The following IER3IP1 variants were observed in gnomAD, a reference collection of about 807,000 sequenced individuals.
IER3IP1 encodes immediate early response 3 interacting protein 1, also known as immediate early response 3-interacting protein 1.
Under a neutral mutation model 12.2 loss-of-function variants are expected in IER3IP1, and 16 were observed. The observed-to-expected ratio is 1.31, with a 90% confidence interval of 0.89 to 1.99. The LOEUF is 1.99. Ranked by LOEUF, IER3IP1 falls within the 30% of genes most tolerant of loss-of-function variation. The pLI, the probability that IER3IP1 is intolerant of heterozygous loss-of-function variation, is 0.00. For missense variants in IER3IP1, 95 were observed against 95.8 expected (o/e 0.99, Z 0.03); for synonymous variants, 42 against 40.0 (o/e 1.05, Z -0.19).
intron 1 of IER3IP1, among the ~76,000 whole-genome samples, chr18:47,165,544 C>T (rs1367998432): frequency 7.4e-6 from 1 of 134,254 alleles, no homozygotes; most frequent in Non-Finnish European, 1.6e-5. Flanking sequence ...CAGAACAAGA[C>T]TCTGTCTCAA....
chr18:47,160,289 C>T (rs1284802841), intron 1 of IER3IP1, among the ~76,000 whole-genome samples: 1 of 152,134 alleles, frequency 6.6e-6, no homozygotes, highest in Non-Finnish European at 1.5e-5. Flanking sequence ...ATAGAGACCA[C>T]AAATTTGGTG....
At chr18:47,167,878 C>A (rs1171686580) in intron 1 of IER3IP1, among the ~76,000 whole-genome samples, 1 of 151,978 alleles carries the variant, frequency 6.6e-6, no homozygotes, top group Non-Finnish European at 1.5e-5. Context: ...AATCCCAGCA[C>A]TTTAGGAAGC....
rs915151422 is a variant in IER3IP1, at chr18:47,155,471, T to G, written c.*706A>C. The G allele has an allele frequency of 1.3e-5, 2 of 152,204 alleles. No homozygotes were observed. The highest frequency in any genetic ancestry group is 2.4e-5 in the African/African-American group (1 of 41,438). The allele number at this position is 152,204 out of a possible 1,614,324, so 9.4% of individuals were successfully genotyped here. A position where few individuals can be genotyped will look rare whatever the true frequency, so the allele number is the denominator to read the frequency against. ...CATCATTGTAAAAAGGGCAGACTTA[T>G]AGATTTTTCTGACAATGAAAATCTG... On this transcript the variant is annotated 3_prime_UTR_variant, in exon 3 of 3. Coordinates refer to ENST00000256433, the MANE Select transcript of IER3IP1 (RefSeq NM_016097.5).
At chr18:47,175,074 A>T (rs1280838044) in intron 1 of IER3IP1, among the ~76,000 whole-genome samples, 1 of 152,236 alleles carries the variant, frequency 6.6e-6, no homozygotes, top group Non-Finnish European at 1.5e-5. Context: ...AACTTCAGTT[A>T]CTATAAATGG....
chr18:47,156,560 C>A (rs530297193), intron 2 of IER3IP1, among the ~76,000 whole-genome samples: 24 of 152,134 alleles, frequency 1.6e-4, no homozygotes, highest in Non-Finnish European at 2.9e-4. Context: ...TTGCCACTGA[C>A]ACTTGATATT....
At position 47,157,521 on chromosome 18, in the gene IER3IP1, G is replaced by A. The variant is rs2144423267; in HGVS notation, c.108C>T (p.Asp36=). ...CTTCTCCAAATCCACCAATTCCCTG[G>A]TCTGTTCCCCAGCCAACTGTATAAT... ...RFLKNIGWGT[D]QGIGGFGEEP... The change falls in exon 2 of 3, where the codon GAC becomes GAT. Residue 36 remains aspartate (D), a synonymous_variant. Transcript: ENST00000256433. The A allele has an allele frequency of 6.2e-7, 1 of 1,613,944 alleles. No individual in the cohort carries two copies. The highest frequency in any genetic ancestry group is 8.5e-7 in the Non-Finnish European group (1 of 1,179,934).
intron 1 of IER3IP1, among the ~76,000 whole-genome samples, chr18:47,175,092 A>G (rs1469507077): frequency 6.6e-6 from 1 of 152,228 alleles, no homozygotes; most frequent in African/African-American, 2.4e-5. Flanking sequence ...TGGGCCTGGC[A>G]CATACTTTGC....
rs2144439236 is a variant in IER3IP1, at chr18:47,172,501, T to C, written c.91+3686A>G. Among the ~76,000 whole-genome samples, 1 of 152,246 alleles carries C rather than the reference T, an allele frequency of 6.6e-6. No homozygotes were observed. Among genetic ancestry groups the C allele is most frequent in the South Asian group, 2.1e-4 (1 of 4,818 alleles). ...GGAGATACACTTCAAGATTCCACAG[T>C]AGATGCCTGAAACAGAAGATAGTAC... is the stretch of plus-strand genomic sequence containing the variant. On this transcript the variant is annotated intron_variant, in intron 1 of 2. Transcript: ENST00000256433. The surrounding 1 kb of genome is among the most constrained non-coding windows in gnomAD (Gnocchi z 4.0).
At chr18:47,163,845 C>A (rs758502777) in intron 1 of IER3IP1, among the ~76,000 whole-genome samples, 4 of 152,140 alleles carry the variant, frequency 2.6e-5, no homozygotes, top group Non-Finnish European at 5.9e-5. Flanking sequence ...AGGATGAGTT[C>A]TGTGGCATCA....
intron 1 of IER3IP1, among the ~76,000 whole-genome samples, chr18:47,175,467 TTTGTTTTGTTTTG>T (rs764183580): frequency 0.056 from 9 of 162 alleles, no homozygotes; most frequent in East Asian, 0.17. Context: ...TTTTGTTTTG[TTTGTTTTGTTTTG>T]TTAGACGGAG....
Position 47,176,352 on chromosome 18 carries a change from G to T in IER3IP1, c.-75C>A. On this transcript the variant is annotated 5_prime_UTR_variant, in exon 1 of 3. Transcript: ENST00000256433. Reference sequence around the variant, plus strand: ...CAAGGGACGTGGCGCCTCCACGGCCGGCGCCTTCCTACGGAAGCCGATGGG... The same window carrying T: ...CAAGGGACGTGGCGCCTCCACGGCCTGCGCCTTCCTACGGAAGCCGATGGG... The T allele has an allele frequency of 3.8e-6, 5 of 1,316,942 alleles. No homozygotes were observed. Among genetic ancestry groups the T allele is most frequent in the South Asian group, 1.3e-5 (1 of 79,454 alleles). 81.6% of individuals were successfully genotyped at this position (1,316,942 alleles called of 1,614,324 possible).
intron 1 of IER3IP1, among the ~76,000 whole-genome samples, chr18:47,166,036 T>A (rs2063994947): frequency 6.6e-6 from 1 of 152,202 alleles, no homozygotes; most frequent in Non-Finnish European, 1.5e-5. Flanking sequence ...TGGTACTGGA[T>A]AAAGCAAACA....
rs1483560652 is a variant in IER3IP1 at position 47,155,230 on chromosome 18, G to A, written c.*947C>T. The A allele has an allele frequency of 1.3e-5, 2 of 152,086 alleles. No individual in the cohort carries two copies. Among genetic ancestry groups the A allele is most frequent in the Non-Finnish European group, 2.9e-5 (2 of 68,000 alleles). The allele number at this position is 152,086 out of a possible 1,614,324, so 9.4% of individuals were successfully genotyped here. ...GATGGTCTGAGACATAAAAACAAAA[G>A]ACAACCTATCCAGCATCAATGTCCT... is the stretch of plus-strand genomic sequence containing the variant. On this transcript the variant is annotated 3_prime_UTR_variant, in exon 3 of 3. Coordinates refer to ENST00000256433, the MANE Select transcript of IER3IP1 (RefSeq NM_016097.5).
intron 1 of IER3IP1, among the ~76,000 whole-genome samples, chr18:47,174,209 C>G (rs1034438500): frequency 6.6e-6 from 1 of 152,148 alleles, no homozygotes; most frequent in African/African-American, 2.4e-5. Context: ...CTACTTTCTA[C>G]CTGTGTGTTC....
intron 1 of IER3IP1, among the ~76,000 whole-genome samples, chr18:47,164,441 G>C (rs1179650162): frequency 2.0e-5 from 3 of 151,574 alleles, no homozygotes; most frequent in Non-Finnish European, 4.4e-5. Flanking sequence ...GGGAGTCTCA[G>C]TTGTTTTTCT....
intron 1 of IER3IP1, among the ~76,000 whole-genome samples, chr18:47,171,088 G>C (rs2064014039): frequency 1.3e-5 from 2 of 151,562 alleles, no homozygotes; most frequent in African/African-American, 2.4e-5. Context: ...TTTTTATCAT[G>C]AAAGGGTACT....
intron 1 of IER3IP1, among the ~76,000 whole-genome samples, chr18:47,159,179 T>G (rs1397627163): frequency 6.6e-6 from 1 of 152,180 alleles, no homozygotes; most frequent in Non-Finnish European, 1.5e-5. Context: ...ATAAACACAT[T>G]ATCACTATGG....
At chr18:47,168,940 T>C (rs1166473644) in intron 1 of IER3IP1, among the ~76,000 whole-genome samples, 1 of 152,228 alleles carries the variant, frequency 6.6e-6, no homozygotes, top group African/African-American at 2.4e-5. Flanking sequence ...TCCAGCTTTC[T>C]GGATACCTTA....
intron 1 of IER3IP1, among the ~76,000 whole-genome samples, chr18:47,174,431 G>C (rs937277426): frequency 9.9e-5 from 15 of 152,066 alleles, no homozygotes; most frequent in African/African-American, 3.6e-4. Context: ...TCTTCCTTGG[G>C]AGGCCGAGGT....
Sources: allele counts gnomAD v4.1 joint callset (sites outside exome capture counted in the v4.1 genomes callset), GRCh38; gene constraint gnomAD v4.1.1; non-coding constraint Gnocchi (gnomAD v3.1); transcripts MANE v1.5; gene names NCBI Gene and HGNC (gene_info 2026-07-23, HGNC 2026-07-21).